Variants in ARHGEF38 observed in about 807,000 individuals in gnomAD.
ARHGEF38 encodes Rho guanine nucleotide exchange factor 38.
Under a neutral mutation model 79.9 loss-of-function variants are expected in ARHGEF38, and 79 were observed. That is an observed-to-expected ratio of 0.99 (90% CI 0.82 to 1.19). The LOEUF (loss-of-function observed/expected upper bound fraction) is 1.19, where lower values mean the gene tolerates loss of function less well. Ranked by LOEUF, ARHGEF38 falls within the 50% of genes most tolerant of loss-of-function variation. The probability of loss-of-function intolerance (pLI) is 0.00; values close to 1 mark genes in which losing one functional copy is unlikely to be tolerated. For missense variants in ARHGEF38, 962 were observed against 907.2 expected (o/e 1.06, Z -0.78); for synonymous variants, 366 against 328.3 (o/e 1.11, Z -1.24).
Position 105,552,700 on chromosome 4 carries a change from C to T in ARHGEF38, c.-66C>T. On this transcript the variant is annotated 5_prime_UTR_variant, in exon 1 of 14. Coordinates refer to ENST00000420470, the MANE Select transcript of ARHGEF38 (RefSeq NM_001242729.2). ...ACTCGTCACTCTAGTAGCTTTAACC[C>T]TCACCCTGAGGCACCTTAGCAATCA... 7.3e-6 allele frequency: 10 copies of T among 1,378,132 alleles called. No homozygotes were observed. The highest frequency in any genetic ancestry group is 1.0e-5 in the Non-Finnish European group (10 of 1,004,074). The allele number at this position is 1,378,132 out of a possible 1,614,324, so 85.4% of individuals were successfully genotyped here.
intron 1 of ARHGEF38, among the ~76,000 whole-genome samples, chr4:105,571,583 A>G (rs1726237278): frequency 6.6e-6 from 1 of 152,014 alleles, no homozygotes; most frequent in Non-Finnish European, 1.5e-5. Context: ...TCAGCCTCCT[A>G]AAGTGCTGGG....
intron 2 of ARHGEF38, among the ~76,000 whole-genome samples, chr4:105,598,470 G>T (rs72669974): frequency 0.048 from 7,263 of 152,262 alleles, 208 homozygotes; most frequent in Middle Eastern, 0.12. Context: ...TGACTCAAAA[G>T]AAATATACCT....
chr4:105,589,587 C>T, intron 2 of ARHGEF38, 152 bp downstream of exon 2: 1 of 667,376 alleles, frequency 1.5e-6, no homozygotes, highest in Non-Finnish European at 2.4e-6. Context: ...CAGTTTAGTA[C>T]AAAACAAAGT....
chr4:105,608,153 A>G (rs1056113960), intron 2 of ARHGEF38, among the ~76,000 whole-genome samples: 2 of 152,244 alleles, frequency 1.3e-5, no homozygotes, highest in Admixed American at 6.5e-5. Context: ...ACTATTTTCC[A>G]TAATGGCTGT....
At chr4:105,593,932 A>T (rs776776153) in intron 2 of ARHGEF38, among the ~76,000 whole-genome samples, 15 of 152,200 alleles carry the variant, frequency 9.9e-5, no homozygotes, top group Non-Finnish European at 1.5e-4. Flanking sequence ...GTGAATTACA[A>T]TTCTCAAAAT....
At chr4:105,578,730 C>A (rs375387798) in intron 1 of ARHGEF38, among the ~76,000 whole-genome samples, 1 of 152,088 alleles carries the variant, frequency 6.6e-6, no homozygotes, top group Non-Finnish European at 1.5e-5. Flanking sequence ...CATTCCTGTT[C>A]GCTTTGGTTT....
At chr4:105,659,588 T>G (rs1433982476) in intron 10 of ARHGEF38, among the ~76,000 whole-genome samples, 1 of 152,220 alleles carries the variant, frequency 6.6e-6, no homozygotes, top group Non-Finnish European at 1.5e-5. Flanking sequence ...GACTTACACA[T>G]TTGTAATTCT....
rs1730456422 is a variant in ARHGEF38 at position 105,659,090 on chromosome 4, T to C, written c.1270T>C (p.Ser424Pro). The C allele has an allele frequency of 6.5e-7, 1 of 1,536,162 alleles. No individual in the cohort carries two copies. Among genetic ancestry groups the C allele is most frequent in the Non-Finnish European group, 8.7e-7 (1 of 1,146,858 alleles). ...HLQRLILTPL[S>P]ALLSLFPGPH... ...ACAGAGACTCATCCTGACCCCCTTG[T>C]CAGCCCTGCTGTCCTTATTCCCAGG... The change falls in exon 10 of 14, where the codon TCA becomes CCA. Residue 424 changes from serine to proline, a missense_variant. Transcript: ENST00000420470.
At chr4:105,665,197 G>T (rs1730703408) in intron 10 of ARHGEF38, among the ~76,000 whole-genome samples, 1 of 151,364 alleles carries the variant, frequency 6.6e-6, no homozygotes, top group Non-Finnish European at 1.5e-5. Context: ...TTATTATTTT[G>T]TAATTTTTAG....
chr4:105,576,027 C>A (rs893917782), intron 1 of ARHGEF38, among the ~76,000 whole-genome samples: 2 of 152,082 alleles, frequency 1.3e-5, no homozygotes, highest in African/African-American at 4.8e-5. Flanking sequence ...TTTGAAAGTA[C>A]CATGTTGTTT....
chr4:105,632,546 A>G (rs1729238872), intron 4 of ARHGEF38, among the ~76,000 whole-genome samples: 1 of 152,194 alleles, frequency 6.6e-6, no homozygotes, highest in South Asian at 2.1e-4. Context: ...AGTCCTCTAA[A>G]TGTTCAGCTG....
chr4:105,638,412 T>C (rs1165680797), intron 5 of ARHGEF38, among the ~76,000 whole-genome samples: 1 of 152,132 alleles, frequency 6.6e-6, no homozygotes, highest in Non-Finnish European at 1.5e-5. Context: ...ATGCAGTGTT[T>C]TGTTATCTTT....
At chr4:105,593,915 C>T (rs1230186169) in intron 2 of ARHGEF38, among the ~76,000 whole-genome samples, 3 of 152,152 alleles carry the variant, frequency 2.0e-5, no homozygotes, top group African/African-American at 7.2e-5. Context: ...CTTTTGCTCT[C>T]AATACTGTGA....
intron 1 of ARHGEF38, among the ~76,000 whole-genome samples, chr4:105,560,248 C>T (rs577406988): frequency 3.3e-5 from 5 of 152,100 alleles, no homozygotes; most frequent in South Asian, 2.1e-4. Context: ...GTTTAGTTGT[C>T]GGGGAACAAA....
At chr4:105,658,055 G>T (rs1730409158) in intron 9 of ARHGEF38, among the ~76,000 whole-genome samples, 1 of 152,188 alleles carries the variant, frequency 6.6e-6, no homozygotes, top group African/African-American at 2.4e-5. Flanking sequence ...ATGTCATGAA[G>T]TTGGGCAGTT....
chr4:105,626,869 A>G (rs1353824548), intron 3 of ARHGEF38, among the ~76,000 whole-genome samples: 1 of 151,360 alleles, frequency 6.6e-6, no homozygotes, highest in Non-Finnish European at 1.5e-5. Flanking sequence ...TTCCTCACAG[A>G]CATGGTCCCA....
intron 1 of ARHGEF38, among the ~76,000 whole-genome samples, chr4:105,573,930 C>T (rs1726358297): frequency 6.6e-6 from 1 of 151,872 alleles, no homozygotes; most frequent in South Asian, 2.1e-4. Context: ...AATCTTTCTC[C>T]TCTTTGGTTA....
intron 2 of ARHGEF38, among the ~76,000 whole-genome samples, chr4:105,593,490 A>G (rs368038540): frequency 6.6e-6 from 1 of 152,182 alleles, no homozygotes; most frequent in South Asian, 2.1e-4. Context: ...GTGAGCCATG[A>G]TCACGCCACT....
intron 3 of ARHGEF38, among the ~76,000 whole-genome samples, chr4:105,628,386 G>A (rs1729039991): frequency 6.6e-6 from 1 of 152,208 alleles, no homozygotes; most frequent in South Asian, 2.1e-4. Context: ...CCCACTTCTG[G>A]GCCCTCCCAG....
Sources: allele counts gnomAD v4.1 joint callset (sites outside exome capture counted in the v4.1 genomes callset), GRCh38; gene constraint gnomAD v4.1.1; transcripts MANE v1.5; gene names NCBI Gene and HGNC (gene_info 2026-07-23, HGNC 2026-07-21).